STARD13: variants seen among roughly 807,000 people sequenced by gnomAD.
STARD13 encodes the protein StAR related lipid transfer domain containing 13.
A neutral mutation model predicts 106.4 loss-of-function variants in STARD13; 62 were observed. The observed-to-expected ratio is 0.58, with a 90% confidence interval of 0.48 to 0.72. The LOEUF (loss-of-function observed/expected upper bound fraction) is 0.72, where lower values mean the gene tolerates loss of function less well. Ranked by LOEUF, STARD13 falls within the 30% of genes least tolerant of loss-of-function variation. STARD13 has a pLI of 0.00. For missense variants in STARD13, 1,387 were observed against 1,424.0 expected, an observed-to-expected ratio of 0.97 and a Z score of 0.42; for synonymous variants, 565 against 553.0, an observed-to-expected ratio of 1.02 and a Z score of -0.31.
At chr13:33,113,204 C>T in intron 8 of STARD13, 1 of 485,570 alleles carries the variant, frequency 2.1e-6, no homozygotes, top group Non-Finnish European at 3.7e-6. Flanking sequence ...GCACCACCAT[C>T]CTGGTTTTCT....
the STARD13 span, among the ~76,000 whole-genome samples, chr13:33,575,380 T>C: frequency 6.6e-6 from 1 of 152,196 alleles, no homozygotes; most frequent in Non-Finnish European, 1.5e-5. Flanking sequence ...CCTGCCCACA[T>C]TGGCCAAATT....
At chr13:33,236,748 T>C (rs2138230841) in intron 1 of STARD13, among the ~76,000 whole-genome samples, 1 of 152,324 alleles carries the variant, frequency 6.6e-6, no homozygotes, top group Admixed American at 6.5e-5. Context: ...TTCAATCCCT[T>C]GCGGACAGTG....
chr13:33,335,077 A>C (rs1025941514), intron 1 of STARD13: 1 of 152,664 alleles, frequency 6.6e-6, no homozygotes, highest in Non-Finnish European at 1.5e-5. Context: ...AGGAGCCTGG[A>C]CTCAAATCCC....
At chr13:33,316,923 G>A (rs1020358426) in intron 1 of STARD13, among the ~76,000 whole-genome samples, 1 of 151,872 alleles carries the variant, frequency 6.6e-6, no homozygotes, top group Non-Finnish European at 1.5e-5. Context: ...TTTCTTTCTC[G>A]ACCTCTCAGA....
intron 1 of STARD13, among the ~76,000 whole-genome samples, chr13:33,238,984 C>G: frequency 6.6e-6 from 1 of 151,990 alleles, no homozygotes; most frequent in East Asian, 1.9e-4. Flanking sequence ...TCTTTTTCAT[C>G]TTGCAAAACT....
Position 33,109,951 on chromosome 13 carries a change from A to G in STARD13, c.2969T>C (p.Leu990Pro), listed in dbSNP as rs1230493631. Residue 990 changes from leucine to proline, a missense_variant, in exon 12 of 14, where the codon CTA (leucine) becomes CCA (proline). Transcript: ENST00000336934. ...DFVQWKVVET[L>P]DRQTEIYQYV... is the part of the protein sequence containing the mutation. The stretch of plus-strand genomic sequence containing the variant: ...CTGGTAGATCTCTGTTTGCCTGTCT[A>G]GAGTTTCCACAACCTTCCACTGCAC... 4 of 1,614,152 alleles carry G rather than the reference A, an allele frequency of 2.5e-6. No homozygotes were observed. Among genetic ancestry groups the G allele is most frequent in the Admixed American group, 1.7e-5 (1 of 60,018 alleles).
chr13:33,378,370 TC>T, the STARD13 span, among the ~76,000 whole-genome samples: 1 of 152,140 alleles, frequency 6.6e-6, no homozygotes, highest in Non-Finnish European at 1.5e-5. Flanking sequence ...TTTCTCCTCT[TC>T]CCACCTGCAT....
At chr13:33,118,020 T>G (rs1875649653) in intron 8 of STARD13, 45 bp downstream of exon 8, 1 of 1,609,512 alleles carries the variant, frequency 6.2e-7, no homozygotes, top group Non-Finnish European at 8.5e-7. Context: ...TTCATTAAAG[T>G]GGAAGGATGC....
chr13:33,204,271 A>C (rs1316690721), intron 1 of STARD13, among the ~76,000 whole-genome samples: 1 of 152,202 alleles, frequency 6.6e-6, no homozygotes, highest in African/African-American at 2.4e-5. Flanking sequence ...TCACATGCAG[A>C]TATGAATCTA....
the STARD13 span, among the ~76,000 whole-genome samples, chr13:33,370,564 T>C: frequency 1.3e-5 from 2 of 152,160 alleles, no homozygotes; most frequent in Non-Finnish European, 2.9e-5. Flanking sequence ...ATTTTCTGAA[T>C]GTCACTCTGC....
chr13:33,111,968 T>A (rs79448326), intron 9 of STARD13, 76 bp from the exon 10 acceptor site: 2 of 923,992 alleles, frequency 2.2e-6, no homozygotes, highest in African/African-American at 1.6e-5. Context: ...ATCCCTTTTG[T>A]TTTCTGTTTA....
chr13:33,661,991 G>T, the STARD13 span, among the ~76,000 whole-genome samples: 2 of 151,980 alleles, frequency 1.3e-5, no homozygotes, highest in Non-Finnish European at 2.9e-5. Flanking sequence ...GGCTGGTCGC[G>T]GTGGCTCATG....
intron 1 of STARD13, among the ~76,000 whole-genome samples, chr13:33,266,975 T>C (rs1253359689): frequency 6.6e-6 from 1 of 152,238 alleles, no homozygotes; most frequent in African/African-American, 2.4e-5. Flanking sequence ...AAGTGGTCTC[T>C]GTTTCTGAAA....
chr13:33,429,766 G>T, the STARD13 span, among the ~76,000 whole-genome samples: 1 of 152,188 alleles, frequency 6.6e-6, no homozygotes, highest in South Asian at 2.1e-4. Flanking sequence ...CCGGAGGCTG[G>T]CAAGGGTAGC....
chr13:33,562,093 C>G, the STARD13 span, among the ~76,000 whole-genome samples: 3 of 146,422 alleles, frequency 2.0e-5, no homozygotes, highest in Admixed American at 2.1e-4. Flanking sequence ...TTAAATGCCC[C>G]CTTTTTCATA....
the STARD13 span, among the ~76,000 whole-genome samples, chr13:33,387,631 T>C: frequency 6.6e-6 from 1 of 152,126 alleles, no homozygotes; most frequent in Non-Finnish European, 1.5e-5. Flanking sequence ...ATATAAGGTT[T>C]ATTGGGGAAT....
intron 3 of STARD13, among the ~76,000 whole-genome samples, chr13:33,143,153 C>T (rs678601): frequency 0.44 from 66,653 of 152,014 alleles, 15,161 homozygotes; most frequent in East Asian, 0.58. Context: ...AAATAAATTT[C>T]TGTTGTTTAA....
chr13:33,520,615 G>T, the STARD13 span, among the ~76,000 whole-genome samples: 3 of 152,022 alleles, frequency 2.0e-5, no homozygotes, highest in African/African-American at 7.2e-5. Flanking sequence ...CCTCAGCCTG[G>T]TGGTCAAAGT....
At chr13:33,288,847 T>C (rs757715840), upstream of STARD13, among the ~76,000 whole-genome samples, 4 of 152,348 alleles carry the variant, frequency 2.6e-5, no homozygotes, top group East Asian at 1.9e-4. Context: ...AAAGCAAATA[T>C]GTAACATTAT....
Sources: gnomAD v4.1 joint callset for allele counts (sites outside exome capture counted in the v4.1 genomes callset) on GRCh38, gnomAD v4.1.1 for gene constraint, MANE v1.5 for transcripts, NCBI Gene and HGNC (gene_info 2026-07-23, HGNC 2026-07-21) for gene names.